Variants in TBL1X observed in about 807,000 individuals in gnomAD.
TBL1X encodes transducin beta like 1 X-linked.
A neutral mutation model predicts 50.7 loss-of-function variants in TBL1X; 10 were observed. The observed-to-expected ratio is 0.20, with a 90% confidence interval of 0.12 to 0.33. The LOEUF (loss-of-function observed/expected upper bound fraction) is 0.33, where lower values mean the gene tolerates loss of function less well. Ranked by LOEUF, TBL1X falls within the 10% of genes least tolerant of loss-of-function variation. TBL1X has a pLI of 1.00. For missense variants in TBL1X, 340 were observed against 504.4 expected (o/e 0.67, Z 3.12); for synonymous variants, 190 against 214.7 (o/e 0.88, Z 1.01).
rs561927734 is a variant in TBL1X at position 9,486,727 on chromosome X, A to G, written c.-200-15053A>G. 4.9e-4 allele frequency among the ~76,000 whole-genome samples: 54 copies of G among 110,909 alleles called. No homozygotes were observed. In the South Asian group the frequency reaches 0.019, roughly 38 times the overall value. ...GCTATGCCCCAACCGCCTTGGGTACATGTTCTCAGGATCTCCTGAGGGCCA... is the reference window on the plus strand; with the variant it reads ...GCTATGCCCCAACCGCCTTGGGTACGTGTTCTCAGGATCTCCTGAGGGCCA... On this transcript the variant is annotated intron_variant, in intron 1 of 17. Transcript: ENST00000645353.
At chrX:9,469,313 C>T (rs994848811) in intron 1 of TBL1X, among the ~76,000 whole-genome samples, 1 of 111,575 alleles carries the variant, frequency 9.0e-6, no homozygotes, top group Non-Finnish European at 1.9e-5. Flanking sequence ...CAGGCATGCT[C>T]CACCACACCC....
chrX:9,715,604 G>A (rs181245505), intron 17 of TBL1X, among the ~76,000 whole-genome samples: 1 of 112,272 alleles, frequency 8.9e-6, no homozygotes, highest in Admixed American at 9.4e-5. Context: ...GGTCTGTGCG[G>A]TGCGTTGTTG....
intron 2 of TBL1X, among the ~76,000 whole-genome samples, chrX:9,596,889 G>T (rs890434345): frequency 9.0e-6 from 1 of 111,045 alleles, no homozygotes; most frequent in Admixed American, 9.6e-5. Context: ...TTTCTAGGTC[G>T]TGCTGCTTTA....
chrX:9,620,063 G>C (rs985085406), intron 2 of TBL1X, among the ~76,000 whole-genome samples: 3 of 112,299 alleles, frequency 2.7e-5, no homozygotes, highest in African/African-American at 9.7e-5. Context: ...CTTCAATGTA[G>C]GCAAAATGGG....
intron 2 of TBL1X, among the ~76,000 whole-genome samples, chrX:9,567,617 C>A (rs1016614140): frequency 8.9e-6 from 1 of 112,234 alleles, no homozygotes; most frequent in African/African-American, 3.2e-5. Flanking sequence ...CTGCAGTCTG[C>A]AGGGCTGTCT....
intron 2 of TBL1X, among the ~76,000 whole-genome samples, chrX:9,578,755 C>T (rs1277177086): frequency 9.0e-6 from 1 of 111,522 alleles, no homozygotes; most frequent in Middle Eastern, 4.2e-3. Context: ...TAAGGAAGCC[C>T]GCACAGCTTG....
chrX:9,547,718 C>T (rs969318637), intron 2 of TBL1X, among the ~76,000 whole-genome samples: 11 of 108,963 alleles, frequency 1.0e-4, no homozygotes, highest in African/African-American at 2.7e-4. Flanking sequence ...GCCAAAGAGC[C>T]TTGGAGAATG....
At chrX:9,574,336 C>T (rs2082399744) in intron 2 of TBL1X, among the ~76,000 whole-genome samples, 1 of 108,170 alleles carries the variant, frequency 9.2e-6, no homozygotes, top group South Asian at 4.2e-4. Context: ...TGCCTGTAGT[C>T]CCAGCTACTC....
intron 3 of TBL1X, chrX:9,644,665 T>C (rs1233632187): frequency 2.8e-5 from 3 of 109,040 alleles, no homozygotes; most frequent in African/African-American, 6.7e-5. Flanking sequence ...TTTTCTTTTT[T>C]TTTTTTTTTA....
chrX:9,480,757 A>ACCCCCCCCCCC (rs60470790), intron 1 of TBL1X, among the ~76,000 whole-genome samples: 1 of 46,902 alleles, frequency 2.1e-5, no homozygotes, highest in Non-Finnish European at 4.2e-5. Flanking sequence ...AAATTAAGCC[A>ACCCCCCCCCCC]CCCCCCCCCC....
At chrX:9,659,158 G>C (rs977018637) in intron 5 of TBL1X, among the ~76,000 whole-genome samples, 11 of 111,750 alleles carry the variant, frequency 9.8e-5, no homozygotes, top group South Asian at 3.8e-4. Flanking sequence ...AGAAGATACT[G>C]TCTGAAGAGG....
intron 2 of TBL1X, among the ~76,000 whole-genome samples, chrX:9,617,132 G>A (rs2082643201): frequency 8.9e-6 from 1 of 111,817 alleles, no homozygotes; most frequent in Non-Finnish European, 1.9e-5. Context: ...TAACCCATTC[G>A]TTTCTGGCTG....
At chrX:9,627,919 A>T (rs1326654430) in intron 2 of TBL1X, among the ~76,000 whole-genome samples, 3 of 112,402 alleles carry the variant, frequency 2.7e-5, no homozygotes, top group Non-Finnish European at 5.6e-5. Context: ...TATAATGGAC[A>T]TAATATTAAA....
chrX:9,631,462 G>A (rs950694180), intron 2 of TBL1X, among the ~76,000 whole-genome samples: 4 of 111,934 alleles, frequency 3.6e-5, no homozygotes, highest in African/African-American at 1.3e-4. Context: ...CGGCTTTTTT[G>A]TGACTATACT....
intron 2 of TBL1X, among the ~76,000 whole-genome samples, chrX:9,570,802 C>T (rs1055574274): frequency 1.9e-5 from 2 of 107,818 alleles, no homozygotes; most frequent in Non-Finnish European, 3.8e-5. Flanking sequence ...CTCAGCCTCC[C>T]AAGTAGCTGG....
chrX:9,468,864 G>T (rs2081794418), intron 1 of TBL1X, among the ~76,000 whole-genome samples: 1 of 110,894 alleles, frequency 9.0e-6, no homozygotes, highest in African/African-American at 3.3e-5. Flanking sequence ...TGTTTATTTT[G>T]AGACAGTGCA....
At chrX:9,688,313 T>C (rs2083074736) in intron 7 of TBL1X, 38 bp downstream of exon 7, 1 of 1,076,526 alleles carries the variant, frequency 9.3e-7, no homozygotes, top group African/African-American at 1.9e-5. Context: ...TGGGCCTCTC[T>C]GGGTTCATTG....
rs779842395 is a variant in TBL1X, at chrX:9,718,560, G to C, written c.*2314G>C. ...GAGTACAGTTTGTTGGGGTCCAAAA[G>C]ACACCATCTCTACCCCACCCAAATA... On this transcript the variant is annotated 3_prime_UTR_variant, in exon 18 of 18. Transcript: ENST00000645353. 1.8e-5 allele frequency: 2 copies of C among 111,539 alleles called. No individual in the cohort carries two copies. Among genetic ancestry groups the C allele is most frequent in the East Asian group, 5.7e-4 (2 of 3,525 alleles). 9.2% of individuals were successfully genotyped at this position (111,539 alleles called of 1,213,427 possible).
chrX:9,591,288 C>G (rs946556844), intron 2 of TBL1X, among the ~76,000 whole-genome samples: 3 of 111,783 alleles, frequency 2.7e-5, no homozygotes, highest in Non-Finnish European at 5.6e-5. Flanking sequence ...TGATGCCAAT[C>G]TGTGATGATG....
Sources: allele counts gnomAD v4.1 joint callset (sites outside exome capture counted in the v4.1 genomes callset), GRCh38; gene constraint gnomAD v4.1.1; transcripts MANE v1.5; gene names NCBI Gene and HGNC (gene_info 2026-07-23, HGNC 2026-07-21).